UQCC1: variants seen among roughly 807,000 people sequenced by gnomAD.
The protein encoded by UQCC1 is ubiquinol-cytochrome c reductase complex assembly factor 1.
In UQCC1, 38 loss-of-function variants were observed where a neutral mutation model predicts 48.0. The ratio of observed to expected loss-of-function variants is 0.79; its 90% confidence interval spans 0.61 to 1.04. The LOEUF (loss-of-function observed/expected upper bound fraction) is 1.04. Among genes scored for constraint, UQCC1 ranks in the 50% least tolerant of loss-of-function variants. The probability of loss-of-function intolerance (pLI) is 0.00; values close to 1 mark genes in which losing one functional copy is unlikely to be tolerated. For synonymous variants in UQCC1, 111 were observed against 129.2 expected (o/e 0.86, Z 0.95); for missense variants, 368 against 381.8 (o/e 0.96, Z 0.30).
intron 5 of UQCC1, among the ~76,000 whole-genome samples, chr20:35,370,122 T>A (rs1199645530): frequency 6.6e-6 from 1 of 152,138 alleles, no homozygotes; most frequent in Non-Finnish European, 1.5e-5. Flanking sequence ...GCTGCTGAAT[T>A]CTCAGGACTC....
intron 7 of UQCC1, among the ~76,000 whole-genome samples, chr20:35,314,974 A>G (rs1420802658): frequency 1.3e-5 from 2 of 152,178 alleles, no homozygotes; most frequent in Non-Finnish European, 2.9e-5. Flanking sequence ...CTCAAATTAC[A>G]CAAGTCAGCT....
chr20:35,400,837 G>A (rs113005463), intron 1 of UQCC1, among the ~76,000 whole-genome samples: 139 of 152,190 alleles, frequency 9.1e-4, no homozygotes, highest in Middle Eastern at 3.4e-3. Flanking sequence ...TTCGTTTCCC[G>A]TGCACATTGT....
intron 7 of UQCC1, among the ~76,000 whole-genome samples, chr20:35,338,187 T>A (rs574082035): frequency 6.6e-6 from 1 of 152,166 alleles, no homozygotes; most frequent in Non-Finnish European, 1.5e-5. Context: ...TCCCCCTTAA[T>A]CTCTATTAGT....
chr20:35,387,346 G>T (rs6058237), intron 2 of UQCC1, among the ~76,000 whole-genome samples: 5 of 152,112 alleles, frequency 3.3e-5, no homozygotes, highest in African/African-American at 1.2e-4. Context: ...TAGAAAGGGG[G>T]TGCTGGGACA....
chr20:35,341,089 T>A (rs1405796458), intron 7 of UQCC1, among the ~76,000 whole-genome samples: 1 of 151,598 alleles, frequency 6.6e-6, no homozygotes, highest in Admixed American at 6.6e-5. Flanking sequence ...CCGGGTATGG[T>A]GCACGCCTGT....
chr20:35,309,861 GCT>G, intron 8 of UQCC1, among the ~76,000 whole-genome samples: 1 of 152,342 alleles, frequency 6.6e-6, no homozygotes, highest in East Asian at 1.9e-4. Flanking sequence ...TATGGTCTGA[GCT>G]CTCAGGGAAC....
At chr20:35,408,525 T>C (rs1454005444) in intron 1 of UQCC1, among the ~76,000 whole-genome samples, 1 of 152,154 alleles carries the variant, frequency 6.6e-6, no homozygotes, top group African/African-American at 2.4e-5. Context: ...TAAAACAGTG[T>C]ATCTGCTGTG....
intron 4 of UQCC1, among the ~76,000 whole-genome samples, chr20:35,378,834 T>C (rs2061833508): frequency 6.6e-6 from 1 of 152,234 alleles, no homozygotes; most frequent in African/African-American, 2.4e-5. Flanking sequence ...AAAATCTGCT[T>C]CATATAACAT....
At chr20:35,311,876 A>T (rs1200736035) in intron 8 of UQCC1, among the ~76,000 whole-genome samples, 1 of 152,144 alleles carries the variant, frequency 6.6e-6, no homozygotes, top group Non-Finnish European at 1.5e-5. Context: ...CCTTCGGGTG[A>T]CTTGTTGAAC....
chr20:35,332,772 G>A (rs895407177), intron 7 of UQCC1, among the ~76,000 whole-genome samples: 14 of 152,224 alleles, frequency 9.2e-5, no homozygotes, highest in African/African-American at 3.4e-4. Context: ...AGACAGATGC[G>A]AGAAAGAGAA....
At position 35,323,008 on chromosome 20, in the gene UQCC1, C is replaced by T. The variant is rs1014891981; in HGVS notation, c.574-8243G>A. 1.5e-4 allele frequency among the ~76,000 whole-genome samples: 23 copies of T among 152,000 alleles called. 1 individual carries two copies. Among genetic ancestry groups the T allele is most frequent in the Admixed American group, 9.2e-4 (14 of 15,252 alleles). On this transcript the variant is annotated intron_variant, in intron 7 of 9. Transcript: ENST00000374385. ...GACTACAGGCGCCTACCACCATGCC[C>T]GGCTAATTTTTTGTATTTTTAGTAG...
At chr20:35,392,403 C>T (rs1885007952) in intron 2 of UQCC1, 5 of 738,810 alleles carry the variant, frequency 6.8e-6, no homozygotes, top group South Asian at 1.5e-5. Flanking sequence ...TACATAAATG[C>T]TTTGCTATAA....
chr20:35,347,190 C>T lies in UQCC1; in HGVS notation c.547G>A (p.Val183Ile), dbSNP rs1385969241. ...CCCATGACTCTGCCGCGCTGCTGAA[C>T]ATCCTCCCACATAAAATGAACTATG... ...RIIVHFMWEDVQQRGRVMGVN... is the reference protein window; with the variant it reads ...RIIVHFMWEDIQQRGRVMGVN... Residue 183 changes from valine (V) to isoleucine (I), a missense_variant, in exon 7 of 10, where the codon GTT (valine) becomes ATT (isoleucine). Physicochemically the swap from Val to Ile is conservative, Grantham distance 29 (BLOSUM62 3). Transcript: ENST00000374385. The T allele has an allele frequency of 6.2e-7, 1 of 1,614,068 alleles. No individual in the cohort carries two copies. The highest frequency in any genetic ancestry group is 1.3e-5 in the African/African-American group (1 of 74,926).
At chr20:35,383,825 T>G (rs1447521922) in intron 3 of UQCC1, among the ~76,000 whole-genome samples, 1 of 152,010 alleles carries the variant, frequency 6.6e-6, no homozygotes, top group Non-Finnish European at 1.5e-5. Context: ...TACTCTAGCC[T>G]GGGTGACAGA....
intron 6 of UQCC1, among the ~76,000 whole-genome samples, chr20:35,360,541 C>T (rs1339357278): frequency 6.6e-6 from 1 of 152,160 alleles, no homozygotes; most frequent in African/African-American, 2.4e-5. Flanking sequence ...AACTGTTTTT[C>T]CCTCAAGCGA....
At chr20:35,376,272 C>T (rs1446468430) in intron 4 of UQCC1, among the ~76,000 whole-genome samples, 2 of 151,924 alleles carry the variant, frequency 1.3e-5, no homozygotes, top group Admixed American at 6.6e-5. Flanking sequence ...TGTGCCACTG[C>T]ACTCCAGCCT....
chr20:35,304,309 T>G (rs1221690103), intron 9 of UQCC1, among the ~76,000 whole-genome samples: 2 of 152,130 alleles, frequency 1.3e-5, no homozygotes, highest in Non-Finnish European at 2.9e-5. Flanking sequence ...CGGGGGCAGT[T>G]AGGGAATTCC....
intron 1 of UQCC1, 121 bp downstream of exon 1, chr20:35,411,819 C>T (rs1308003058): frequency 7.2e-7 from 1 of 1,386,910 alleles, no homozygotes; most frequent in African/African-American, 1.4e-5. Context: ...AAAGCGGCCA[C>T]TCAGCCTAGC....
chr20:35,318,013 A>C (rs2061081588), intron 7 of UQCC1, among the ~76,000 whole-genome samples: 1 of 152,218 alleles, frequency 6.6e-6, no homozygotes, highest in Non-Finnish European at 1.5e-5. Flanking sequence ...AGACCTCCTG[A>C]TACCCATACT....
Sources: gnomAD v4.1 joint callset for allele counts (sites outside exome capture counted in the v4.1 genomes callset) on GRCh38, gnomAD v4.1.1 for gene constraint, MANE v1.5 for transcripts, NCBI Gene and HGNC (gene_info 2026-07-23, HGNC 2026-07-21) for gene names.